The following GFPT2 variants were observed in gnomAD, a reference collection of about 807,000 sequenced individuals.
GFPT2 encodes the protein glutamine--fructose-6-phosphate aminotransferase [isomerizing] 2.
Under a neutral mutation model 85.6 loss-of-function variants are expected in GFPT2, and 62 were observed. The ratio of observed to expected loss-of-function variants is 0.72; its 90% confidence interval spans 0.59 to 0.90. The LOEUF (loss-of-function observed/expected upper bound fraction) is 0.90. GFPT2 is among the 40% of genes least tolerant of loss of function. The pLI, the probability that GFPT2 is intolerant of heterozygous loss-of-function variation, is 0.00. For synonymous variants in GFPT2, 368 were observed against 344.5 expected, an observed-to-expected ratio of 1.07 and a Z score of -0.75; for missense variants, 788 against 893.4, an observed-to-expected ratio of 0.88 and a Z score of 1.50.
In GFPT2 at chr5:180,316,562, A is replaced by G; in HGVS notation, c.1153-101T>C. On this transcript the variant is annotated intron_variant, in intron 12 of 18. Transcript: ENST00000253778. ...GGGACAGTTTGTGACACGGAACCTC[A>G]CTGTCCAGGTGGCGAGGGGACTTCG... The G allele has an allele frequency of 3.7e-6, 5 of 1,345,926 alleles. No homozygotes were observed. In the South Asian group the frequency reaches 5.0e-5, roughly 13 times the overall value. The allele number at this position is 1,345,926 out of a possible 1,614,324, so 83.4% of individuals were successfully genotyped here.
chr5:180,331,601 T>C lies in GFPT2; in HGVS notation c.341-48A>G, dbSNP rs1476227509. On this transcript the variant is annotated intron_variant, in intron 4 of 18. Transcript: ENST00000253778. ...AATGCTATTGAGAAGGAGGTTCATG[T>C]CAGATGTGAAGAGAGATGATTTCAA... 2.7e-6 allele frequency: 3 copies of C among 1,092,874 alleles called. No homozygotes were observed. In the Admixed American group the frequency reaches 5.1e-5, roughly 19 times the overall value. The allele number at this position is 1,092,874 out of a possible 1,614,324, so 67.7% of individuals were successfully genotyped here.
At chr5:180,346,861 C>A (rs1764619339) in intron 1 of GFPT2, among the ~76,000 whole-genome samples, 1 of 152,226 alleles carries the variant, frequency 6.6e-6, no homozygotes, top group Non-Finnish European at 1.5e-5. Context: ...GTAAGAAAGG[C>A]ATCACTGGCA....
chr5:180,308,180 T>C (rs900106058), intron 15 of GFPT2, among the ~76,000 whole-genome samples: 14 of 150,666 alleles, frequency 9.3e-5, no homozygotes, highest in East Asian at 1.9e-4. Context: ...GGCGTGAACC[T>C]GGGAGGCGGA....
chr5:180,321,460 C>T (rs1455260280), intron 9 of GFPT2, among the ~76,000 whole-genome samples: 1 of 152,236 alleles, frequency 6.6e-6, no homozygotes, highest in South Asian at 2.1e-4. Context: ...GACCTGTGCC[C>T]GTGGGCAACA....
intron 4 of GFPT2, among the ~76,000 whole-genome samples, chr5:180,332,435 G>C (rs948415826): frequency 6.6e-6 from 1 of 152,166 alleles, no homozygotes; most frequent in African/African-American, 2.4e-5. Context: ...TATTACCCTT[G>C]AGGTTCAATA....
At chr5:180,313,507 G>A (rs1053532379) in intron 14 of GFPT2, among the ~76,000 whole-genome samples, 6 of 151,292 alleles carry the variant, frequency 4.0e-5, no homozygotes, top group Admixed American at 6.6e-5. Context: ...GGAGAATGGC[G>A]TGAACCCGGG....
In GFPT2 at chr5:180,302,589, A is replaced by G; in HGVS notation, c.1843-5T>C. 1.2e-6 allele frequency: 2 copies of G among 1,607,726 alleles called. No homozygotes were observed. Among genetic ancestry groups the G allele is most frequent in the Non-Finnish European group, 1.7e-6 (2 of 1,175,218 alleles). On this transcript the variant is annotated splice_polypyrimidine_tract_variant and splice_region_variant and intron_variant, in intron 17 of 18. Transcript: ENST00000253778. ...GCACAGTATAATGGGGCGACCCTAG[A>G]GCAGAGAAATAGCATCATAAAATAG...
intron 16 of GFPT2, among the ~76,000 whole-genome samples, chr5:180,306,913 G>C (rs1763792075): frequency 6.6e-6 from 1 of 152,200 alleles, no homozygotes; most frequent in African/African-American, 2.4e-5. Context: ...ACAGCCGGAG[G>C]GGCACACCCC....
In GFPT2 at chr5:180,316,322, C is replaced by T. The variant is rs1291788981; in HGVS notation, c.1273+19G>A. On this transcript the variant is annotated intron_variant, in intron 13 of 18. Coordinates refer to ENST00000253778, the MANE Select transcript of GFPT2 (RefSeq NM_005110.4). ...AGCTGACCTGATGCAAGGCTGGCCACAATGCCTGTGTCCCTTACCTGACTG... is the reference window on the plus strand; with the variant it reads ...AGCTGACCTGATGCAAGGCTGGCCATAATGCCTGTGTCCCTTACCTGACTG... 10 of 1,613,648 alleles carry T rather than the reference C, an allele frequency of 6.2e-6. No individual in the cohort carries two copies. Among genetic ancestry groups the T allele is most frequent in the Non-Finnish European group, 7.6e-6 (9 of 1,179,772 alleles).
intron 17 of GFPT2, among the ~76,000 whole-genome samples, chr5:180,303,738 GT>G (rs1763722748): frequency 6.6e-6 from 1 of 152,188 alleles, no homozygotes; most frequent in Non-Finnish European, 1.5e-5. Context: ...AAAGCATTTG[GT>G]TGGTCTTTGT....
chr5:180,313,970 G>A lies in GFPT2; in HGVS notation c.1274-6C>T. 1.9e-6 allele frequency: 3 copies of A among 1,589,290 alleles called. No homozygotes were observed. The highest frequency in any genetic ancestry group is 2.6e-6 in the Non-Finnish European group (3 of 1,174,468). On this transcript the variant is annotated splice_polypyrimidine_tract_variant and splice_region_variant and intron_variant, in intron 13 of 18. Transcript: ENST00000253778. ...GAGGGTGTCCGCGGTCTCGCCTGCC[G>A]CCCAGGGGCCCTCTCAGTGCCGCGC...
At chr5:180,349,948 G>T (rs768699911) in intron 1 of GFPT2, among the ~76,000 whole-genome samples, 1 of 151,436 alleles carries the variant, frequency 6.6e-6, no homozygotes, top group Non-Finnish European at 1.5e-5. Context: ...TTACAAATTC[G>T]TGGATGGGAA....
intron 4 of GFPT2, among the ~76,000 whole-genome samples, chr5:180,332,010 T>C (rs1467049925): frequency 2.6e-5 from 4 of 152,232 alleles, no homozygotes; most frequent in Non-Finnish European, 4.4e-5. Flanking sequence ...CACACTGTGT[T>C]GTAAAAATAT....
chr5:180,331,200 G>A (rs934193880), intron 5 of GFPT2, among the ~76,000 whole-genome samples: 3 of 152,220 alleles, frequency 2.0e-5, no homozygotes, highest in African/African-American at 4.8e-5. Flanking sequence ...GCCGGTATAC[G>A]AGTCGCTGTG....
At chr5:180,319,047 A>T (rs1581375768) in intron 9 of GFPT2, 91 bp from the exon 10 acceptor site, 1 of 1,210,258 alleles carries the variant, frequency 8.3e-7, no homozygotes, top group Admixed American at 1.9e-5. Context: ...TGGAGGCCAC[A>T]TCGTTGGCAT....
At chr5:180,322,131 TAG>T (rs1764133648) in intron 9 of GFPT2, among the ~76,000 whole-genome samples, 1 of 152,182 alleles carries the variant, frequency 6.6e-6, no homozygotes, top group Admixed American at 6.5e-5. Flanking sequence ...ATAATTTGGG[TAG>T]AGTCAATATT....
rs1764051263 is a variant in GFPT2 at position 180,318,219 on chromosome 5, T to C, written c.958+574A>G. 6.6e-6 allele frequency among the ~76,000 whole-genome samples: 1 copy of C among 152,042 alleles called. No homozygotes were observed. Among genetic ancestry groups the C allele is most frequent in the African/African-American group, 2.4e-5 (1 of 41,408 alleles). On this transcript the variant is annotated intron_variant, in intron 10 of 18. Transcript: ENST00000253778. The surrounding 1 kb of genome is among the most constrained non-coding windows in gnomAD (Gnocchi z 4.2). ...GGTTGAGTGTGGTGGGGCCAGGCTT[T>C]GGCCCCACTGGGGTGTGGGGTTTGT...
intron 15 of GFPT2, among the ~76,000 whole-genome samples, chr5:180,308,546 G>T (rs1763820586): frequency 6.6e-6 from 1 of 152,172 alleles, no homozygotes; most frequent in Non-Finnish European, 1.5e-5. Context: ...AGTTGGAAAA[G>T]CGAGGAGTAT....
At chr5:180,348,622 G>C (rs775317417) in intron 1 of GFPT2, among the ~76,000 whole-genome samples, 1 of 152,160 alleles carries the variant, frequency 6.6e-6, no homozygotes, top group Non-Finnish European at 1.5e-5. Flanking sequence ...GACAGCCCCA[G>C]ACTGCCCCAG....
Sources: gnomAD v4.1 joint callset for allele counts (sites outside exome capture counted in the v4.1 genomes callset) on GRCh38, gnomAD v4.1.1 for gene constraint, Gnocchi (gnomAD v3.1) non-coding constraint, MANE v1.5 for transcripts, NCBI Gene and HGNC (gene_info 2026-07-23, HGNC 2026-07-21) for gene names.